RCAN2: variants seen among roughly 807,000 people sequenced by gnomAD.
RCAN2 encodes regulator of calcineurin 2, also known as calcipressin-2.
In RCAN2, 9 loss-of-function variants were observed where a neutral mutation model predicts 23.6. That is an observed-to-expected ratio of 0.38 (90% CI 0.23 to 0.67). The LOEUF (loss-of-function observed/expected upper bound fraction) is 0.67. Among genes scored for constraint, RCAN2 ranks in the 30% least tolerant of loss-of-function variants. The pLI is 0.51. For missense variants in RCAN2, 273 were observed against 302.3 expected, an observed-to-expected ratio of 0.90 and a Z score of 0.72; for synonymous variants, 109 against 115.7, an observed-to-expected ratio of 0.94 and a Z score of 0.37.
At chr6:46,455,452 T>C (rs1233887640) in intron 2 of RCAN2, among the ~76,000 whole-genome samples, 6 of 152,048 alleles carry the variant, frequency 3.9e-5, no homozygotes, top group Admixed American at 3.3e-4. Flanking sequence ...TTCCAGTAAT[T>C]ATGCCAGACA....
intron 2 of RCAN2, among the ~76,000 whole-genome samples, chr6:46,283,457 A>T (rs751852092): frequency 5.3e-5 from 8 of 152,158 alleles, no homozygotes; most frequent in Non-Finnish European, 1.0e-4. Flanking sequence ...TAAGAAAAAA[A>T]ATCCAACCAT....
intron 4 of RCAN2, among the ~76,000 whole-genome samples, chr6:46,243,856 G>T (rs2150315643): frequency 6.8e-6 from 1 of 147,304 alleles, no homozygotes; most frequent in African/African-American, 2.5e-5. Context: ...CTTGATTCAG[G>T]GTTAAAAACA....
chr6:46,236,113 C>T (rs1766084440), intron 4 of RCAN2, among the ~76,000 whole-genome samples: 1 of 152,202 alleles, frequency 6.6e-6, no homozygotes, highest in South Asian at 2.1e-4. Flanking sequence ...TTCTGGTTTC[C>T]AGTATGATTA....
intron 2 of RCAN2, among the ~76,000 whole-genome samples, chr6:46,356,583 G>T (rs957396177): frequency 2.6e-5 from 4 of 152,226 alleles, no homozygotes; most frequent in Admixed American, 2.6e-4. Flanking sequence ...GGTGTGGTCA[G>T]GGCAGAGGCT....
intron 2 of RCAN2, among the ~76,000 whole-genome samples, chr6:46,447,519 T>G (rs1264751178): frequency 6.6e-6 from 1 of 151,878 alleles, no homozygotes; most frequent in Non-Finnish European, 1.5e-5. Flanking sequence ...TACAAAAGAT[T>G]GAATCCAACA....
At chr6:46,322,857 C>T (rs80325209) in intron 2 of RCAN2, among the ~76,000 whole-genome samples, 2 of 152,200 alleles carry the variant, frequency 1.3e-5, no homozygotes, top group Admixed American at 1.3e-4. Context: ...TAGAATTTTA[C>T]GTTTGAACCT....
At chr6:46,440,132 T>C (rs1767492362) in intron 2 of RCAN2, among the ~76,000 whole-genome samples, 1 of 152,222 alleles carries the variant, frequency 6.6e-6, no homozygotes, top group Admixed American at 6.5e-5. Flanking sequence ...ATCAGACTGA[T>C]TTATGATGAG....
chr6:46,249,977 C>G (rs1415014126), intron 2 of RCAN2, among the ~76,000 whole-genome samples: 4 of 152,158 alleles, frequency 2.6e-5, no homozygotes, highest in African/African-American at 7.2e-5. Context: ...TACAGCATAA[C>G]CAAGCTATCA....
At chr6:46,299,309 A>C (rs2584077) in intron 2 of RCAN2, among the ~76,000 whole-genome samples, 148,203 of 152,136 alleles carry the variant, frequency 0.97, 72,210 homozygotes, top group East Asian at 1. Context: ...ATGCATATGG[A>C]TTTCAAGAGC....
intron 2 of RCAN2, among the ~76,000 whole-genome samples, chr6:46,316,219 T>C (rs1393988207): frequency 1.3e-5 from 2 of 152,240 alleles, no homozygotes; most frequent in African/African-American, 2.4e-5. Flanking sequence ...CTGAGGATGA[T>C]GATGATGGTA....
At chr6:46,385,459 A>G (rs983639143) in intron 2 of RCAN2, among the ~76,000 whole-genome samples, 1 of 152,336 alleles carries the variant, frequency 6.6e-6, no homozygotes, top group South Asian at 2.1e-4. Flanking sequence ...ACGTTTCCCT[A>G]TTTAATAAAT....
At chr6:46,270,310 G>A (rs1767481968) in intron 2 of RCAN2, among the ~76,000 whole-genome samples, 1 of 152,140 alleles carries the variant, frequency 6.6e-6, no homozygotes, top group Non-Finnish European at 1.5e-5. Flanking sequence ...CTTGCTGAGG[G>A]GCAATGGGCC....
chr6:46,290,669 C>A (rs1410420700), intron 2 of RCAN2, among the ~76,000 whole-genome samples: 1 of 151,952 alleles, frequency 6.6e-6, no homozygotes, highest in African/African-American at 2.4e-5. Context: ...TCAGAAAAAG[C>A]ATAGAAGGAA....
At chr6:46,234,672 G>A (rs1169024807) in intron 4 of RCAN2, among the ~76,000 whole-genome samples, 2 of 152,220 alleles carry the variant, frequency 1.3e-5, no homozygotes, top group Non-Finnish European at 2.9e-5. Flanking sequence ...ATTGGTCAGG[G>A]TTTTCTACCT....
At chr6:46,389,803 T>G (rs541750727) in intron 2 of RCAN2, among the ~76,000 whole-genome samples, 1 of 152,262 alleles carries the variant, frequency 6.6e-6, no homozygotes, top group East Asian at 1.9e-4. Context: ...AGCCATGCCT[T>G]TAGTTAGGTT....
At chr6:46,260,104 C>G (rs1767061395) in intron 2 of RCAN2, among the ~76,000 whole-genome samples, 1 of 152,144 alleles carries the variant, frequency 6.6e-6, no homozygotes, top group African/African-American at 2.4e-5. Context: ...TTCAGCATCT[C>G]TCCCCTTCCC....
chr6:46,440,952 T>G (rs1431422342), intron 2 of RCAN2, among the ~76,000 whole-genome samples: 6 of 152,192 alleles, frequency 3.9e-5, no homozygotes, highest in Non-Finnish European at 8.8e-5. Context: ...AGCACAACTT[T>G]GTTGTTATAA....
chr6:46,274,860 C>T (rs886413490), intron 2 of RCAN2, among the ~76,000 whole-genome samples: 2 of 152,120 alleles, frequency 1.3e-5, no homozygotes, highest in African/African-American at 2.4e-5. Flanking sequence ...GAGCAGGATA[C>T]CCAAGGAGAC....
In RCAN2 at chr6:46,246,860, T is replaced by C. The variant is rs1766531311; in HGVS notation, c.459A>G (p.Lys153=). Residue 153 remains lysine (K), a synonymous_variant, in exon 4 of 5, where the codon AAA becomes AAG. Transcript: ENST00000371374. ...AGGAAGGGGGCGAGATGAGAAACTG[T>C]TTGGCAGGCTGGGGTGGAGCCAAGT... ...KLHLAPPQPA[K]QFLISPPSSP... 4 of 1,611,104 alleles carry C rather than the reference T, an allele frequency of 2.5e-6. No individual in the cohort carries two copies. The highest frequency in any genetic ancestry group is 3.4e-6 in the Non-Finnish European group (4 of 1,178,456).
Sources: gnomAD v4.1 joint callset for allele counts (sites outside exome capture counted in the v4.1 genomes callset) on GRCh38, gnomAD v4.1.1 for gene constraint, MANE v1.5 for transcripts, NCBI Gene and HGNC (gene_info 2026-07-23, HGNC 2026-07-21) for gene names.